Variants in AHNAK observed in about 807,000 individuals in gnomAD.
The protein encoded by AHNAK is AHNAK nucleoprotein, also known as neuroblast differentiation-associated protein AHNAK.
In AHNAK, 23 loss-of-function variants were observed where a neutral mutation model predicts 37.8. The ratio of observed to expected loss-of-function variants is 0.61; its 90% confidence interval spans 0.44 to 0.86. The LOEUF (loss-of-function observed/expected upper bound fraction) is 0.86. Ranked by LOEUF, AHNAK falls within the 40% of genes least tolerant of loss-of-function variation. The probability of loss-of-function intolerance (pLI) is 0.00; values close to 1 mark genes in which losing one functional copy is unlikely to be tolerated. For missense variants in AHNAK, 7,411 were observed against 7,319.4 expected (o/e 1.01, Z -0.46); for synonymous variants, 2,481 against 2,636.3 (o/e 0.94, Z 1.80).
At chr11:62,498,120 G>A (rs1422119718) in intron 4 of AHNAK, among the ~76,000 whole-genome samples, 1 of 152,164 alleles carries the variant, frequency 6.6e-6, no homozygotes, top group African/African-American at 2.4e-5. Context: ...AACGTTAAGA[G>A]GGGAAAAAGG....
chr11:62,499,852 G>A (rs978535495), intron 4 of AHNAK, among the ~76,000 whole-genome samples: 1 of 152,208 alleles, frequency 6.6e-6, no homozygotes, highest in Non-Finnish European at 1.5e-5. Flanking sequence ...GCTCCATCTG[G>A]GCCAAAATGG....
At chr11:62,470,578 C>A (rs1456424945) in intron 5 of AHNAK, among the ~76,000 whole-genome samples, 2 of 152,144 alleles carry the variant, frequency 1.3e-5, no homozygotes, top group Non-Finnish European at 2.9e-5. Flanking sequence ...TGCACTCCAG[C>A]CTGGGCGACA....
chr11:62,519,659 C>G lies in AHNAK; in HGVS notation c.14758G>C (p.Asp4920His). The G allele has an allele frequency of 6.2e-7, 1 of 1,614,000 alleles. No individual in the cohort carries two copies. Among genetic ancestry groups the G allele is most frequent in the Non-Finnish European group, 8.5e-7 (1 of 1,179,982 alleles). Residue 4920 changes from aspartate (D) to histidine (H), a missense_variant, in exon 5 of 5, where the codon GAT becomes CAT. By Grantham distance (81) the Asp-to-His change is moderately conservative. Coordinates refer to ENST00000378024, the MANE Select transcript of AHNAK (RefSeq NM_001620.3). ...EISAPKVTAP[D>H]VDLHLKAPKI... Reference sequence around the variant, plus strand: ...GGTGCCTTGAGATGCAAATCAACATCAGGAGCAGTTACTTTAGGAGCAGAT... The same window carrying G: ...GGTGCCTTGAGATGCAAATCAACATGAGGAGCAGTTACTTTAGGAGCAGAT...
In AHNAK at chr11:62,531,623, G is replaced by A. The variant is rs199521845; in HGVS notation, c.2794C>T (p.Pro932Ser). The A allele has an allele frequency of 2.5e-6, 4 of 1,613,198 alleles. No homozygotes were observed. In the South Asian group the frequency reaches 4.4e-5, roughly 18 times the overall value. ...TTCATCTCTGGCATCTTGAACTTGG[G>A]GCCCTTCAGCTTTCCTTCAGGTCCT... ...IEGPEGKLKG[P>S]KFKMPEMNIK... is the part of the protein sequence containing the mutation. The change falls in exon 5 of 5, where the codon CCC becomes TCC. Residue 932 changes from proline to serine, a missense_variant. Transcript: ENST00000378024.
chr11:62,443,458 G>C (rs556030776), intron 5 of AHNAK, among the ~76,000 whole-genome samples: 1 of 151,958 alleles, frequency 6.6e-6, no homozygotes, highest in South Asian at 2.1e-4. Flanking sequence ...TTTTAGTAGA[G>C]ATGGGGTTTC....
intron 4 of AHNAK, among the ~76,000 whole-genome samples, chr11:62,502,599 A>C (rs148911871): frequency 6.6e-6 from 1 of 152,188 alleles, no homozygotes; most frequent in Non-Finnish European, 1.5e-5. Flanking sequence ...CAGAGCTGAC[A>C]GTCCGGAGCA....
Position 62,517,096 on chromosome 11 carries a change from T to C in AHNAK, c.17321A>G (p.Lys5774Arg), listed in dbSNP as rs749940062. 17 of 1,613,778 alleles carry C rather than the reference T, an allele frequency of 1.1e-5. No homozygotes were observed. In the South Asian group the frequency reaches 1.9e-4, roughly 18 times the overall value. The change falls in exon 5 of 5, where the codon AAG becomes AGG. Residue 5774 changes from lysine (K) to arginine (R), a missense_variant. Coordinates refer to ENST00000378024, the MANE Select transcript of AHNAK (RefSeq NM_001620.3). ...TGAATTTGAGCGGTGCCGTGGCTTC[T>C]TACTTTTAAATAAGGAGAATTTGCC... ...PKGKFSLFKS[K>R]KPRHRSNSFS...
intron 5 of AHNAK, among the ~76,000 whole-genome samples, chr11:62,465,567 C>T (rs567792703): frequency 2.0e-5 from 3 of 152,016 alleles, no homozygotes; most frequent in South Asian, 2.1e-4. Context: ...GAGCCAAGAT[C>T]GTGCCATTGC....
rs563546782 is a variant in AHNAK, at chr11:62,510,134, T to G, written c.343-18303A>C. Among the ~76,000 whole-genome samples, 31 of 151,282 alleles carry G rather than the reference T, an allele frequency of 2.0e-4. No individual in the cohort carries two copies. The South Asian group carries it at 6.4e-3, about 31-fold the overall frequency. On this transcript the variant is annotated intron_variant, in intron 4 of 5. Coordinates refer to the AHNAK transcript ENST00000257247. Reference sequence around the variant, plus strand: ...GTGCAATGGCACAGTCTCAGCTCACTGCAACCTCCACCTCCCCCGGGTTCA... The same window carrying G: ...GTGCAATGGCACAGTCTCAGCTCACGGCAACCTCCACCTCCCCCGGGTTCA...
In AHNAK at chr11:62,433,836, G is replaced by A. The variant is rs566918976; in HGVS notation, c.*48C>T. On this transcript the variant is annotated 3_prime_UTR_variant, in exon 6 of 6. Coordinates refer to the AHNAK transcript ENST00000257247. ...TTTTTAGAACAATGCTCCAAAGAAC[G>A]GTCACAAAAACAACCTTAAGAGGGG... is the stretch of plus-strand genomic sequence containing the variant. The A allele has an allele frequency of 3.3e-4, 538 of 1,612,702 alleles. 7 individuals carry two copies. The South Asian group carries it at 5.5e-3, about 17-fold the overall frequency.
chr11:62,461,605 T>C (rs1938790461), intron 5 of AHNAK, among the ~76,000 whole-genome samples: 1 of 152,068 alleles, frequency 6.6e-6, no homozygotes, highest in African/African-American at 2.4e-5. Context: ...TAATTGAGAA[T>C]TCAAAAATAT....
At position 62,469,126 on chromosome 11, in the gene AHNAK, CT is replaced by C. The variant is rs1214953292; in HGVS notation, c.442+22605del. ...GGCCCAATTGGGATCTCCTGATTTC[CT>C]TTTTCTTTTTTTGAGTCGGAGTCTT... On this transcript the variant is annotated intron_variant, in intron 5 of 5. Coordinates refer to the AHNAK transcript ENST00000257247. Among the ~76,000 whole-genome samples, 11 of 151,956 alleles carry C rather than the reference CT, an allele frequency of 7.2e-5. No homozygotes were observed. In the East Asian group the frequency reaches 2.1e-3, roughly 29 times the overall value.
At position 62,527,123 on chromosome 11, in the gene AHNAK, G is replaced by A; in HGVS notation, c.7294C>T (p.Pro2432Ser). 6.2e-7 allele frequency: 1 copy of A among 1,613,910 alleles called. No homozygotes were observed. Among genetic ancestry groups the A allele is most frequent in the Non-Finnish European group, 8.5e-7 (1 of 1,179,962 alleles). The change falls in exon 5 of 5, where the codon CCA (proline) becomes TCA (serine). Residue 2432 changes from proline to serine, a missense_variant. Pro to Ser is a moderately conservative substitution (Grantham distance 74). Transcript: ENST00000378024. ...VSGPDIDIEG[P>S]EGKLKGPKFK... The stretch of plus-strand genomic sequence containing the variant: ...TTAGGGCCTTTCAATTTGCCCTCTG[G>A]TCCCTCAATGTCAATGTCTGGCCCA...
At chr11:62,495,031 T>C (rs987420328) in intron 4 of AHNAK, among the ~76,000 whole-genome samples, 2 of 148,144 alleles carry the variant, frequency 1.4e-5, no homozygotes, top group African/African-American at 5.0e-5. Context: ...CCAGGCATGG[T>C]GGTACACGCC....
chr11:62,493,332 C>CTTTTTTTTTTTT (rs538984724), intron 4 of AHNAK, among the ~76,000 whole-genome samples: 5 of 122,912 alleles, frequency 4.1e-5, no homozygotes, highest in Non-Finnish European at 8.9e-5. Context: ...TTCTTTCTTT[C>CTTTTTTTTTTTT]TTTTTTTTTT....
chr11:62,532,610 C>T lies in AHNAK; in HGVS notation c.1807G>A (p.Val603Ile). ...TCCACTTTGGGGCCTCTGACATCAA[C>T]TTCAGGGACTTTGACTTTCCCTTCT... ...RVEGKVKVPE[V>I]DVRGPKVDVS... The change falls in exon 5 of 5, where the codon GTT becomes ATT. Residue 603 changes from valine (V) to isoleucine (I), a missense_variant. Transcript: ENST00000378024. The T allele has an allele frequency of 1.2e-6, 2 of 1,614,188 alleles. No homozygotes were observed. Among genetic ancestry groups the T allele is most frequent in the Non-Finnish European group, 1.7e-6 (2 of 1,180,052 alleles).
intron 4 of AHNAK, among the ~76,000 whole-genome samples, chr11:62,503,252 C>T (rs1401507175): frequency 6.6e-6 from 1 of 152,180 alleles, no homozygotes; most frequent in African/African-American, 2.4e-5. Context: ...TAAGCCTCAG[C>T]GGACACACAG....
intron 3 of AHNAK, 125 bp downstream of exon 3, chr11:62,535,820 G>A (rs1241850564): frequency 2.5e-5 from 33 of 1,302,104 alleles, no homozygotes; most frequent in Non-Finnish European, 4.1e-6. Context: ...CAACCACCCT[G>A]ATGCCACTGG....
Position 62,532,163 on chromosome 11 carries a change from T to C in AHNAK, c.2254A>G (p.Met752Val), listed in dbSNP as rs751111974. The C allele has an allele frequency of 3.7e-6, 6 of 1,614,138 alleles. No homozygotes were observed. The Middle Eastern group carries it at 4.9e-4, about 133-fold the overall frequency. The change falls in exon 5 of 5, where the codon ATG (methionine) becomes GTG (valine). Residue 752 changes from methionine to valine, a missense_variant. Physicochemically the swap from Met to Val is conservative, Grantham distance 21. Transcript: ENST00000378024. ...GGCACACTGAATTTGGGCATTTTCA[T>C]CTTGGGCATCTTCAAGTGCCAGTCT... is the stretch of plus-strand genomic sequence containing the variant. ...GPDWHLKMPK[M>V]KMPKFSVPGF...
Sources: allele counts gnomAD v4.1 joint callset (sites outside exome capture counted in the v4.1 genomes callset), GRCh38; gene constraint gnomAD v4.1.1; transcripts MANE v1.5; gene names NCBI Gene and HGNC (gene_info 2026-07-23, HGNC 2026-07-21).